The following PIGK variants were observed in gnomAD, a reference collection of about 807,000 sequenced individuals.
PIGK encodes phosphatidylinositol glycan anchor biosynthesis class K.
In PIGK, 42 loss-of-function variants were observed where a neutral mutation model predicts 50.6. The ratio of observed to expected loss-of-function variants is 0.83; its 90% CI spans 0.65 to 1.07. The LOEUF (loss-of-function observed/expected upper bound fraction) is 1.07, where lower values mean the gene tolerates loss of function less well. Among genes scored for constraint, PIGK ranks in the 50% least tolerant of loss-of-function variants. The probability of loss-of-function intolerance (pLI) is 0.00; values close to 1 mark genes in which losing one functional copy is unlikely to be tolerated. For synonymous variants in PIGK, 151 were observed against 156.0 expected (o/e 0.97, Z 0.24); for missense variants, 448 against 488.7 (o/e 0.92, Z 0.78).
chr1:77,163,869 A>G lies in PIGK; in HGVS notation c.561T>C (p.Phe187=). The stretch of plus-strand genomic sequence containing the variant: ...ACCGTCTTTTCTGCCACATTTGTTC[A>G]AAAGCATCCGCGAGTTCTATGTTGG... The part of the protein sequence containing the change: ...EITNIELADA[F]EQMWQKRRYN... The change falls in exon 6 of 11, where the codon TTT becomes TTC. Residue 187 remains phenylalanine (F), a synonymous_variant. Coordinates refer to ENST00000370812, the MANE Select transcript of PIGK (RefSeq NM_005482.3). 1 of 1,608,142 alleles carries G rather than the reference A, an allele frequency of 6.2e-7. No individual in the cohort carries two copies. The highest frequency in any genetic ancestry group is 1.3e-5 in the African/African-American group (1 of 74,876).
intron 10 of PIGK, among the ~76,000 whole-genome samples, chr1:77,106,185 T>C (rs757980459): frequency 6.6e-5 from 10 of 152,326 alleles, no homozygotes; most frequent in Middle Eastern, 3.4e-3. Context: ...GTTACTTTGC[T>C]ACTTAAAAGG....
At chr1:77,124,508 C>CTG (rs1654181514) in intron 9 of PIGK, among the ~76,000 whole-genome samples, 1 of 151,876 alleles carries the variant, frequency 6.6e-6, no homozygotes, top group Non-Finnish European at 1.5e-5. Flanking sequence ...GCTTGGGAGG[C>CTG]TGAGGCAGGA....
chr1:77,171,208 G>T (rs577405917), intron 3 of PIGK, among the ~76,000 whole-genome samples: 1 of 151,762 alleles, frequency 6.6e-6, no homozygotes, highest in Non-Finnish European at 1.5e-5. Context: ...AGGCTGAGGC[G>T]GGCGGATCAC....
intron 9 of PIGK, among the ~76,000 whole-genome samples, chr1:77,132,545 C>T (rs1654400809): frequency 6.6e-6 from 1 of 151,968 alleles, no homozygotes; most frequent in Admixed American, 6.6e-5. Flanking sequence ...TATTGTCATA[C>T]ATTTTAATTC....
chr1:77,165,026 C>T (rs1655204770), intron 5 of PIGK, among the ~76,000 whole-genome samples: 1 of 152,106 alleles, frequency 6.6e-6, no homozygotes, highest in Non-Finnish European at 1.5e-5. Flanking sequence ...CTGAACTCTG[C>T]TGTGGTAGTA....
chr1:77,127,017 C>T lies in PIGK; in HGVS notation c.987-4658G>A, dbSNP rs949852177. Among the ~76,000 whole-genome samples, 3 of 152,078 alleles carry T rather than the reference C, an allele frequency of 2.0e-5. No homozygotes were observed. The South Asian group carries it at 6.2e-4, about 32-fold the overall frequency. Reference sequence around the variant, plus strand: ...GCTGTGCATTCCTTATTTTGCTTTACTATTTTTTTAAATAGAGATTTTGTA... The same window carrying T: ...GCTGTGCATTCCTTATTTTGCTTTATTATTTTTTTAAATAGAGATTTTGTA... On this transcript the variant is annotated intron_variant, in intron 9 of 10. Coordinates refer to ENST00000370812, the MANE Select transcript of PIGK (RefSeq NM_005482.3).
chr1:77,092,325 T>C lies in PIGK; in HGVS notation c.*49A>G. The C allele has an allele frequency of 1.3e-6, 1 of 774,120 alleles. No individual in the cohort carries two copies. The highest frequency in any genetic ancestry group is 2.6e-5 in the Admixed American group (1 of 38,476). 48.0% of individuals were successfully genotyped at this position (774,120 alleles called of 1,614,324 possible). Reference sequence around the variant, plus strand: ...TTTAAAAATATATAATGACATAAATTATTATCCAAGTTTGCAGTCCTCCAT... The same window carrying C: ...TTTAAAAATATATAATGACATAAATCATTATCCAAGTTTGCAGTCCTCCAT... On this transcript the variant is annotated 3_prime_UTR_variant, in exon 11 of 11. Coordinates refer to ENST00000370812, the MANE Select transcript of PIGK (RefSeq NM_005482.3).
chr1:77,108,507 C>G (rs1325318923), intron 10 of PIGK, among the ~76,000 whole-genome samples: 2 of 151,776 alleles, frequency 1.3e-5, no homozygotes, highest in Non-Finnish European at 2.9e-5. Flanking sequence ...ACCTTTCTCT[C>G]TGGCTGCCCT....
At chr1:77,178,189 G>A (rs1073343) in intron 3 of PIGK, among the ~76,000 whole-genome samples, 5 of 152,266 alleles carry the variant, frequency 3.3e-5, no homozygotes, top group East Asian at 1.9e-4. Context: ...CAATGTACAC[G>A]ATAAACTTTA....
intron 3 of PIGK, among the ~76,000 whole-genome samples, chr1:77,180,462 A>G (rs1655585732): frequency 6.6e-6 from 1 of 152,186 alleles, no homozygotes. Flanking sequence ...AGTATATACA[A>G]TAAATACTAG....
chr1:77,150,532 C>A (rs1295075843), intron 9 of PIGK, among the ~76,000 whole-genome samples: 2 of 148,988 alleles, frequency 1.3e-5, no homozygotes, highest in Non-Finnish European at 1.5e-5. Flanking sequence ...GAAATTGAGA[C>A]TAAAAAGTAT....
chr1:77,182,491 A>G (rs967644487), intron 3 of PIGK, among the ~76,000 whole-genome samples: 11 of 151,500 alleles, frequency 7.3e-5, no homozygotes, highest in African/African-American at 2.7e-4. Context: ...ACCCTCGCAG[A>G]CACACCCAGG....
intron 9 of PIGK, among the ~76,000 whole-genome samples, chr1:77,130,292 C>A: frequency 2.3e-5 from 1 of 44,144 alleles, no homozygotes; most frequent in Non-Finnish European, 4.3e-5. Flanking sequence ...TTCCCTACTC[C>A]TAAGCAAAAA....
intron 9 of PIGK, among the ~76,000 whole-genome samples, chr1:77,147,135 C>A (rs1209508169): frequency 6.6e-6 from 1 of 152,096 alleles, no homozygotes; most frequent in Non-Finnish European, 1.5e-5. Flanking sequence ...GCGCTTCTTA[C>A]TTGGTGGCAG....
At chr1:77,104,517 T>C (rs1409622118) in intron 10 of PIGK, among the ~76,000 whole-genome samples, 1 of 152,056 alleles carries the variant, frequency 6.6e-6, no homozygotes, top group Non-Finnish European at 1.5e-5. Context: ...ATAGAAATTA[T>C]TCATAATGAA....
In PIGK at chr1:77,161,678, G is replaced by T; in HGVS notation, c.618C>A (p.Cys206Ter). 1.3e-6 allele frequency: 2 copies of T among 1,567,466 alleles called. No homozygotes were observed. Among genetic ancestry groups the T allele is most frequent in the Non-Finnish European group, 1.8e-6 (2 of 1,137,672 alleles). ...YNELLFIIDT[C>*]QGASMYERFY... Reference sequence around the variant, plus strand: ...ATCGTTCATACATGGATGCTCCTTGGCAAGTATCAATAATAAACAGTAGCT... The same window carrying T: ...ATCGTTCATACATGGATGCTCCTTGTCAAGTATCAATAATAAACAGTAGCT... The change falls in exon 7 of 11, where the codon TGC becomes TGA. Residue 206 changes from cysteine to a stop codon, truncating the protein, a stop_gained. Transcript: ENST00000370812. LOFTEE classifies it high-confidence loss of function.
At chr1:77,170,739 G>A (rs1001818650) in intron 3 of PIGK, among the ~76,000 whole-genome samples, 1 of 152,116 alleles carries the variant, frequency 6.6e-6, no homozygotes, top group Non-Finnish European at 1.5e-5. Flanking sequence ...ATTAAAACTG[G>A]TGAGTAACAA....
At chr1:77,170,444 T>C (rs182489888) in intron 3 of PIGK, among the ~76,000 whole-genome samples, 21 of 152,328 alleles carry the variant, frequency 1.4e-4, no homozygotes, top group African/African-American at 4.3e-4. Flanking sequence ...GCCTTAGCTA[T>C]GGTACTCTAT....
intron 3 of PIGK, among the ~76,000 whole-genome samples, chr1:77,190,409 GAA>G (rs1234217726): frequency 2.6e-5 from 4 of 151,608 alleles, no homozygotes; most frequent in African/African-American, 9.7e-5. Context: ...TCAAAAAAAA[GAA>G]AAAGAAAAAG....
Sources: allele counts gnomAD v4.1 joint callset (sites outside exome capture counted in the v4.1 genomes callset), GRCh38; gene constraint gnomAD v4.1.1; transcripts MANE v1.5; gene names NCBI Gene and HGNC (gene_info 2026-07-23, HGNC 2026-07-21).